Variants in PTK2 observed in about 807,000 individuals in gnomAD.
PTK2 encodes focal adhesion kinase 1.
In PTK2, 45 loss-of-function variants were observed where a neutral mutation model predicts 150.1. That is an observed-to-expected ratio of 0.30 (90% CI 0.24 to 0.38). The LOEUF (loss-of-function observed/expected upper bound fraction) is 0.38, where lower values mean the gene tolerates loss of function less well. PTK2 is among the 10% of genes least tolerant of loss of function. PTK2 has a pLI of 1.00. For synonymous variants in PTK2, 432 were observed against 449.2 expected, an observed-to-expected ratio of 0.96 and a Z score of 0.48; for missense variants, 919 against 1,307.3, an observed-to-expected ratio of 0.70 and a Z score of 4.58.
intron 5 of PTK2, among the ~76,000 whole-genome samples, chr8:140,853,593 ATGGACATTTGGGT>A (rs2100130737): frequency 6.6e-6 from 1 of 152,018 alleles, no homozygotes. Flanking sequence ...TCTATCACTG[ATGGACATTTGGGT>A]TGGTTCCAAG....
intron 1 of PTK2, among the ~76,000 whole-genome samples, chr8:140,933,001 G>A (rs1272393388): frequency 2.0e-5 from 3 of 151,952 alleles, no homozygotes. Context: ...ACAGGTGTGT[G>A]CCACCACACC....
chr8:140,956,542 C>A (rs1045338540), intron 1 of PTK2, among the ~76,000 whole-genome samples: 2 of 152,150 alleles, frequency 1.3e-5, no homozygotes, highest in Non-Finnish European at 2.9e-5. Flanking sequence ...ACGCCTTCTA[C>A]TTATTTAAAA....
chr8:140,841,906 C>A (rs1372476734), intron 7 of PTK2, among the ~76,000 whole-genome samples: 1 of 151,480 alleles, frequency 6.6e-6, no homozygotes, highest in Admixed American at 6.6e-5. Flanking sequence ...TGGCACCATG[C>A]CTTACATTGT....
intron 5 of PTK2, among the ~76,000 whole-genome samples, chr8:140,849,227 A>C (rs2100127597): frequency 6.6e-6 from 1 of 152,174 alleles, no homozygotes; most frequent in Non-Finnish European, 1.5e-5. Context: ...ATAAGGCATC[A>C]CCACAGACCC....
At chr8:140,746,722 C>T (rs775901173) in intron 18 of PTK2, 38 bp downstream of exon 21, 33 of 1,459,614 alleles carry the variant, frequency 2.3e-5, no homozygotes, top group Middle Eastern at 1.8e-4. Context: ...AGATATCAAA[C>T]GCTGAGTCCA....
At chr8:140,818,778 G>T in intron 9 of PTK2, 102 bp downstream of exon 9, 2 of 1,226,208 alleles carry the variant, frequency 1.6e-6, no homozygotes, top group Non-Finnish European at 2.3e-6. Flanking sequence ...TGAAAAAAAT[G>T]GGACAAGTTA....
chr8:140,769,538 C>G (rs752451068), intron 14 of PTK2, 37 bp downstream of exon 16: 235 of 1,288,574 alleles, frequency 1.8e-4, no homozygotes, highest in Non-Finnish European at 2.4e-4. Flanking sequence ...AAATAATTAT[C>G]TCATAGCAGT....
chr8:140,712,883 C>T (rs2154210536), intron 23 of PTK2, among the ~76,000 whole-genome samples: 1 of 152,294 alleles, frequency 6.6e-6, no homozygotes, highest in African/African-American at 2.4e-5. Context: ...AAGTCACAGC[C>T]TCACCTCTTT....
intron 15 of PTK2, 167 bp from the exon 19 acceptor site, chr8:140,761,429 G>T (rs1158764039): frequency 1.5e-5 from 10 of 664,510 alleles, no homozygotes; most frequent in Non-Finnish European, 2.7e-5. Context: ...ATTTTAACAG[G>T]AATTCATGTA....
chr8:140,934,475 A>C (rs2100172950), intron 1 of PTK2: 1 of 152,176 alleles, frequency 6.6e-6, no homozygotes, highest in Non-Finnish European at 1.5e-5. Flanking sequence ...CCATTCTCCT[A>C]GCTGCTAATG....
At chr8:140,735,570 A>C in intron 21 of PTK2, 115 bp from the exon 25 acceptor site, 1 of 868,106 alleles carries the variant, frequency 1.2e-6, no homozygotes, top group East Asian at 2.5e-5. Flanking sequence ...GTAATGGGCA[A>C]ATTATCTACC....
chr8:140,985,400 C>T (rs2100192958), intron 1 of PTK2, among the ~76,000 whole-genome samples: 1 of 152,184 alleles, frequency 6.6e-6, no homozygotes, highest in Non-Finnish European at 1.5e-5. Flanking sequence ...GCTCGAATTA[C>T]AGGCATTGAG....
At position 140,710,471 on chromosome 8, in the gene PTK2, C is replaced by G. The variant is rs193227531; in HGVS notation, c.2143-4266G>C. Among the ~76,000 whole-genome samples, 679 of 152,210 alleles carry G rather than the reference C, an allele frequency of 4.5e-3. 4 individuals are homozygous for G. Among genetic ancestry groups the G allele is most frequent in the African/African-American group, 0.016 (644 of 41,532 alleles). ...ATCACCTGAGGTCAGGAGTTTGAGA[C>G]CAGCCTGGTCAACATGGTGAAACCC... On this transcript the variant is annotated intron_variant, in intron 23 of 31. Transcript: ENST00000522684.
intron 4 of PTK2, among the ~76,000 whole-genome samples, chr8:140,875,698 C>G (rs1245965237): frequency 6.6e-6 from 1 of 152,166 alleles, no homozygotes; most frequent in Non-Finnish European, 1.5e-5. Context: ...TATTATTATT[C>G]CCCTACTGCA....
At position 140,999,369 on chromosome 8, in the gene PTK2, G is replaced by A. The variant is rs558102079; in HGVS notation, c.-122+1756C>T. Among the ~76,000 whole-genome samples, 25 of 152,278 alleles carry A rather than the reference G, an allele frequency of 1.6e-4. 1 individual carries two copies. The highest frequency in any genetic ancestry group is 1.5e-3 in the Admixed American group (23 of 15,276). Reference sequence around the variant, plus strand: ...GATAGTGACCTGAAATTCTTTAAAGGAAAACCTTGTAATATTGATCTTGTT... The same window carrying A: ...GATAGTGACCTGAAATTCTTTAAAGAAAAACCTTGTAATATTGATCTTGTT... On this transcript the variant is annotated intron_variant, in intron 1 of 31. Transcript: ENST00000522684.
intron 30 of PTK2, among the ~76,000 whole-genome samples, chr8:140,666,999 G>A (rs553762781): frequency 6.6e-6 from 1 of 152,302 alleles, no homozygotes; most frequent in Non-Finnish European, 1.5e-5. Context: ...ACTATGCTGA[G>A]TGAAATAAAT....
chr8:140,760,225 A>AAAAAC (rs947853932), intron 16 of PTK2, among the ~76,000 whole-genome samples: 13 of 152,128 alleles, frequency 8.5e-5, no homozygotes, highest in Non-Finnish European at 1.0e-4. Flanking sequence ...CGTCTCACCA[A>AAAAAC]AAAACAAAAC....
intron 14 of PTK2, among the ~76,000 whole-genome samples, chr8:140,772,995 C>A (rs1378856442): frequency 1.3e-5 from 2 of 152,188 alleles, no homozygotes; most frequent in Non-Finnish European, 2.9e-5. Flanking sequence ...ACAGAAGCTA[C>A]CTCCATTAAG....
chr8:140,825,327 C>T (rs752534429), intron 8 of PTK2, among the ~76,000 whole-genome samples: 22 of 152,170 alleles, frequency 1.4e-4, no homozygotes, highest in Non-Finnish European at 2.8e-4. Context: ...CCAAGATATG[C>T]ATTTCTGTGC....
Sources: gnomAD v4.1 joint callset for allele counts (sites outside exome capture counted in the v4.1 genomes callset) on GRCh38, gnomAD v4.1.1 for gene constraint, MANE v1.5 for transcripts, NCBI Gene and HGNC (gene_info 2026-07-23, HGNC 2026-07-21) for gene names.